PTPRG: variants seen among roughly 807,000 people sequenced by gnomAD.
The protein encoded by PTPRG is protein tyrosine phosphatase receptor type G, also known as receptor-type tyrosine-protein phosphatase gamma.
In PTPRG, 102 loss-of-function variants were observed where a neutral mutation model predicts 165.3. That is an observed-to-expected ratio of 0.62 (90% CI 0.53 to 0.73). The LOEUF is 0.73. Among genes scored for constraint, PTPRG ranks in the 30% least tolerant of loss-of-function variants. The pLI, the probability that PTPRG is intolerant of heterozygous loss-of-function variation, is 0.00. For synonymous variants in PTPRG, 675 were observed against 669.5 expected, an observed-to-expected ratio of 1.01 and a Z score of -0.13; for missense variants, 1,866 against 1,861.4, an observed-to-expected ratio of 1.00 and a Z score of -0.05.
At chr3:61,573,870 CATG>C (rs1245834754) in intron 1 of PTPRG, among the ~76,000 whole-genome samples, 3 of 152,094 alleles carry the variant, frequency 2.0e-5, no homozygotes, top group African/African-American at 7.2e-5. Flanking sequence ...TATATATTGT[CATG>C]GTGGTTGAAG....
chr3:61,588,564 G>A (rs990240251), intron 1 of PTPRG, among the ~76,000 whole-genome samples: 9 of 151,870 alleles, frequency 5.9e-5, no homozygotes, highest in Non-Finnish European at 1.3e-4. Flanking sequence ...TCATGCCTCA[G>A]CCTCTGGAGC....
intron 5 of PTPRG, among the ~76,000 whole-genome samples, chr3:62,081,143 G>T (rs1701559020): frequency 6.6e-6 from 1 of 151,666 alleles, no homozygotes; most frequent in African/African-American, 2.4e-5. Context: ...TGTAGTCCCA[G>T]CTACTCGGGA....
At chr3:62,052,949 C>CTG (rs1700510734) in intron 4 of PTPRG, among the ~76,000 whole-genome samples, 1 of 152,138 alleles carries the variant, frequency 6.6e-6, no homozygotes, top group South Asian at 2.1e-4. Flanking sequence ...ATAGAAAAGA[C>CTG]GGAGATACCC....
intron 4 of PTPRG, among the ~76,000 whole-genome samples, chr3:62,036,295 C>T (rs1329834998): frequency 6.6e-6 from 1 of 152,062 alleles, no homozygotes; most frequent in Non-Finnish European, 1.5e-5. Context: ...TAAGGAATTC[C>T]AGATGATGTG....
intron 5 of PTPRG, chr3:62,124,218 C>G: frequency 9.8e-7 from 1 of 1,022,384 alleles, no homozygotes; most frequent in Non-Finnish European, 1.6e-6. Context: ...CCACACAGTG[C>G]TTTCCTGTCA....
At chr3:61,971,463 T>C (rs537922947) in intron 2 of PTPRG, among the ~76,000 whole-genome samples, 35 of 152,332 alleles carry the variant, frequency 2.3e-4, no homozygotes, top group African/African-American at 7.7e-4. Context: ...TCCATATTTT[T>C]GATTAAAGGG....
At chr3:62,186,460 A>G (rs1705889838) in intron 8 of PTPRG, among the ~76,000 whole-genome samples, 1 of 150,890 alleles carries the variant, frequency 6.6e-6, no homozygotes, top group African/African-American at 2.4e-5. Flanking sequence ...ACAGAGGGTG[A>G]TGGGCACACA....
At chr3:61,712,892 C>T (rs1177641529) in intron 1 of PTPRG, among the ~76,000 whole-genome samples, 1 of 152,082 alleles carries the variant, frequency 6.6e-6, no homozygotes, top group Non-Finnish European at 1.5e-5. Flanking sequence ...GGTATGTTGA[C>T]ATTTTTTGAG....
At chr3:61,722,222 T>C (rs62244439) in intron 1 of PTPRG, among the ~76,000 whole-genome samples, 5 of 148,970 alleles carry the variant, frequency 3.4e-5, no homozygotes, top group Non-Finnish European at 7.4e-5. Context: ...GCAAAACAAA[T>C]ACACACACAC....
chr3:61,757,748 TA>T (rs1286369721), intron 2 of PTPRG, among the ~76,000 whole-genome samples: 4 of 152,250 alleles, frequency 2.6e-5, no homozygotes, highest in East Asian at 1.9e-4. Context: ...TGTATATAAA[TA>T]TTTTTTTCAT....
At chr3:62,284,464 T>C (rs1702562939) in intron 28 of PTPRG, among the ~76,000 whole-genome samples, 1 of 152,106 alleles carries the variant, frequency 6.6e-6, no homozygotes, top group African/African-American at 2.4e-5. Context: ...TGAGATGCCT[T>C]AAAAGCCACC....
chr3:61,928,162 A>T (rs1279159384), intron 2 of PTPRG, among the ~76,000 whole-genome samples: 1 of 152,206 alleles, frequency 6.6e-6, no homozygotes, highest in Non-Finnish European at 1.5e-5. Context: ...CAGAGGGAGG[A>T]TGAAGCCGAG....
rs561334410 is a variant in PTPRG at position 61,939,928 on chromosome 3, C to CTTTTTTTTTTTTTTTTTTTTTTTTT, written c.191-49685_191-49661dup. 5.1e-5 allele frequency among the ~76,000 whole-genome samples: 2 copies of CTTTTTTTTTTTTTTTTTTTTTTTTT among 39,108 alleles called. 1 individual carries two copies. Among genetic ancestry groups the CTTTTTTTTTTTTTTTTTTTTTTTTT allele is most frequent in the Non-Finnish European group, 9.2e-5 (2 of 21,764 alleles). The allele number at this position is 39,108 out of a possible 152,430, so 25.7% of individuals were successfully genotyped here. ...TGTCTTGGCTTCCTTACTGACTTGT[C>CTTTTTTTTTTTTTTTTTTTTTTTTT]TTTTTTTTTTTTTTTTTTTTTTTTT... On this transcript the variant is annotated intron_variant, in intron 2 of 29. Coordinates refer to ENST00000474889, the MANE Select transcript of PTPRG (RefSeq NM_002841.4).
chr3:61,698,136 A>C (rs2106690599), intron 1 of PTPRG, among the ~76,000 whole-genome samples: 1 of 152,322 alleles, frequency 6.6e-6, no homozygotes, highest in Admixed American at 6.5e-5. Flanking sequence ...CATTAAATAA[A>C]TATCTATGCT....
intron 2 of PTPRG, among the ~76,000 whole-genome samples, chr3:61,949,081 G>A (rs1393324675): frequency 1.3e-5 from 2 of 149,920 alleles, no homozygotes; most frequent in Admixed American, 1.3e-4. Flanking sequence ...AGCATGTGAT[G>A]GCTTTTAATG....
At chr3:61,723,431 A>G (rs1255961647) in intron 1 of PTPRG, among the ~76,000 whole-genome samples, 1 of 152,132 alleles carries the variant, frequency 6.6e-6, no homozygotes, top group African/African-American at 2.4e-5. Context: ...ATTTTTGGTG[A>G]AACAAGAAAA....
At chr3:61,940,652 T>C (rs943946550) in intron 2 of PTPRG, among the ~76,000 whole-genome samples, 2 of 150,006 alleles carry the variant, frequency 1.3e-5, no homozygotes, top group African/African-American at 2.4e-5. Context: ...TAGATGCTTT[T>C]ATTTATTTAT....
chr3:61,925,845 G>A (rs77111969), intron 2 of PTPRG: 10,077 of 476,718 alleles, frequency 0.021, 329 homozygotes, highest in South Asian at 0.078. Context: ...GGCTTGTCCC[G>A]AGCATGACTT....
intron 2 of PTPRG, among the ~76,000 whole-genome samples, chr3:61,816,819 G>T (rs903426067): frequency 2.6e-5 from 4 of 151,396 alleles, no homozygotes; most frequent in Non-Finnish European, 5.9e-5. Context: ...ACCTTGGTGA[G>T]ATAAAAGTGA....
Sources: allele counts gnomAD v4.1 joint callset (sites outside exome capture counted in the v4.1 genomes callset), GRCh38; gene constraint gnomAD v4.1.1; transcripts MANE v1.5; gene names NCBI Gene and HGNC (gene_info 2026-07-23, HGNC 2026-07-21).